The following TRIM33 variants were observed in gnomAD, a reference collection of about 807,000 sequenced individuals.
TRIM33 encodes tripartite motif containing 33, also known as E3 ubiquitin-protein ligase TRIM33.
A neutral mutation model predicts 125.4 loss-of-function variants in TRIM33; 20 were observed. The observed-to-expected ratio is 0.16, with a 90% CI of 0.11 to 0.23. The LOEUF is 0.23. Ranked by LOEUF, TRIM33 falls within the 10% of genes least tolerant of loss-of-function variation. The pLI, the probability that TRIM33 is intolerant of heterozygous loss-of-function variation, is 1.00. For synonymous variants in TRIM33, 564 were observed against 513.9 expected, an observed-to-expected ratio of 1.10 and a Z score of -1.32; for missense variants, 920 against 1,411.4, an observed-to-expected ratio of 0.65 and a Z score of 5.58.
rs1262824036 is a variant in TRIM33 at position 114,397,719 on chromosome 1, A to G, written c.3313T>C (p.Ser1105Pro). 1 of 1,612,764 alleles carries G rather than the reference A, an allele frequency of 6.2e-7. No homozygotes were observed. Among genetic ancestry groups the G allele is most frequent in the African/African-American group, 1.3e-5 (1 of 74,542 alleles). ...CGGGGCTGTATAAAGTCTTCATCAG[A>G]GTCCTCAGTTACCTCACCATCATCC... is the stretch of plus-strand genomic sequence containing the variant. ...EEDDGEVTED[S>P]DEDFIQPRRK... Residue 1105 changes from serine (S) to proline (P), a missense_variant, in exon 20 of 20, where the codon TCT (serine) becomes CCT (proline). Around this residue, in one of 8 missense-constraint regions of TRIM33, gnomAD observed 122 missense variants for 236.8 expected, o/e 0.52. Transcript: ENST00000358465.
intron 11 of TRIM33, among the ~76,000 whole-genome samples, chr1:114,417,302 A>C (rs1324103713): frequency 6.6e-6 from 1 of 152,218 alleles, no homozygotes; most frequent in East Asian, 1.9e-4. Context: ...AATGCATTAA[A>C]AGCCACTGAA....
rs542284475 is a variant in TRIM33 at position 114,479,935 on chromosome 1, A to T, written c.527-15547T>A. ...CCTCTGCCCGGCCGCCCCTGCTGGG[A>T]AGTGAGGAGCCCCTCTGCCCGGCCG... On this transcript the variant is annotated intron_variant, in intron 1 of 19. Transcript: ENST00000358465. 3.9e-3 allele frequency among the ~76,000 whole-genome samples: 592 copies of T among 151,658 alleles called. 8 individuals are homozygous for T. Among genetic ancestry groups the T allele is most frequent in the Admixed American group, 3.9e-3 (59 of 15,242 alleles).
chr1:114,398,916 C>CA (rs371623761), intron 18 of TRIM33, among the ~76,000 whole-genome samples: 1 of 107,692 alleles, frequency 9.3e-6, no homozygotes, highest in Non-Finnish European at 1.9e-5. Context: ...AAAAAAAAAA[C>CA]AAAACAAAAC....
chr1:114,510,917 C>G lies in TRIM33; in HGVS notation c.160G>C (p.Gly54Arg). 3 of 1,418,540 alleles carry G rather than the reference C, an allele frequency of 2.1e-6. No homozygotes were observed. The highest frequency in any genetic ancestry group is 2.5e-4 in the Middle Eastern group (1 of 3,956). 87.9% of individuals were successfully genotyped at this position (1,418,540 alleles called of 1,614,324 possible). A position where few individuals can be genotyped will look rare whatever the true frequency, so the allele number is the denominator to read the frequency against. ...EEEEEEGGRA[G>R]AEGGAAGPDD... ...GGCCCGGCCGCGCCGCCCTCAGCGC[C>G]GGCCCTGCCGCCTTCCTCCTCCTCC... Residue 54 changes from glycine (G) to arginine (R), a missense_variant, in exon 1 of 20, where the codon GGC becomes CGC. By Grantham distance (125) the Gly-to-Arg change is moderately radical (BLOSUM62 -2). Coordinates refer to ENST00000358465, the MANE Select transcript of TRIM33 (RefSeq NM_015906.4).
chr1:114,489,063 T>C (rs538526156), intron 1 of TRIM33, among the ~76,000 whole-genome samples: 11 of 152,190 alleles, frequency 7.2e-5, no homozygotes, highest in Admixed American at 2.0e-4. Flanking sequence ...TGTTGTTTAA[T>C]TTTGTTATTG....
chr1:114,397,607 G>GGTT lies in TRIM33; in HGVS notation c.*40_*41insAAC. The GGTT allele has an allele frequency of 3.2e-5, 18 of 566,074 alleles. No homozygotes were observed. The highest frequency in any genetic ancestry group is 9.0e-5 in the African/African-American group (2 of 22,126). The allele number at this position is 566,074 out of a possible 1,614,324, so 35.1% of individuals were successfully genotyped here. On this transcript the variant is annotated 3_prime_UTR_variant, in exon 20 of 20. Coordinates refer to ENST00000358465, the MANE Select transcript of TRIM33 (RefSeq NM_015906.4). The stretch of plus-strand genomic sequence containing the variant: ...TTTTTGTGTTTTTTTTTTTTTTTTC[G>GGTT]TTTTTTTTTTTTTAAACAATTGATT...
chr1:114,480,662 G>A (rs1322393586), intron 1 of TRIM33, among the ~76,000 whole-genome samples: 5 of 151,822 alleles, frequency 3.3e-5, no homozygotes, highest in African/African-American at 1.2e-4. Flanking sequence ...AATGACACAC[G>A]GAAAACAACT....
intron 13 of TRIM33, 67 bp from the exon 14 acceptor site, chr1:114,407,167 T>C (rs1323628843): frequency 3.7e-6 from 5 of 1,337,108 alleles, no homozygotes; most frequent in Non-Finnish European, 5.1e-6. Flanking sequence ...AACAATTATA[T>C]GAAAAGTAAT....
rs3077592 is a variant in TRIM33 at position 114,414,027 on chromosome 1, GCACACACACACACACACACACACACACA to G, written c.2062-3739_2062-3712del. ...CAAAATAAACCAAAATAAATCACAG[GCACACACACACACACACACACACACACA>G]CACACACACACACACGTTTTTAAAT... On this transcript the variant is annotated intron_variant, in intron 11 of 19. Coordinates refer to ENST00000358465, the MANE Select transcript of TRIM33 (RefSeq NM_015906.4). Among the ~76,000 whole-genome samples, 4 of 130,682 alleles carry G rather than the reference GCACACACACACACACACACACACACACA, an allele frequency of 3.1e-5. No homozygotes were observed. In the East Asian group the frequency reaches 9.4e-4, roughly 31 times the overall value. 85.7% of individuals were successfully genotyped at this position (130,682 alleles called of 152,430 possible).
At chr1:114,425,874 T>G in intron 8 of TRIM33, 151 bp from the exon 9 acceptor site, 48 of 615,234 alleles carry the variant, frequency 7.8e-5, no homozygotes. Context: ...TTAAAGATGA[T>G]GATGATGATC....
chr1:114,453,811 G>C (rs1194565420), intron 4 of TRIM33, among the ~76,000 whole-genome samples: 1 of 152,146 alleles, frequency 6.6e-6, no homozygotes, highest in East Asian at 1.9e-4. Flanking sequence ...TGGACACCAA[G>C]GTTTAGGTGA....
intron 1 of TRIM33, among the ~76,000 whole-genome samples, chr1:114,466,556 T>A (rs1022931726): frequency 3.9e-5 from 6 of 152,154 alleles, no homozygotes; most frequent in African/African-American, 1.4e-4. Context: ...TGCACTGGTG[T>A]CCAAGTAGCT....
chr1:114,458,658 T>TC (rs1572078596), intron 4 of TRIM33, among the ~76,000 whole-genome samples: 2 of 152,262 alleles, frequency 1.3e-5, no homozygotes, highest in East Asian at 3.9e-4. Flanking sequence ...CTCAAATATC[T>TC]CCCATCCTCC....
intron 4 of TRIM33, among the ~76,000 whole-genome samples, chr1:114,459,563 A>G (rs1231536611): frequency 6.6e-6 from 1 of 152,186 alleles, no homozygotes. Context: ...TGAGCCTAAG[A>G]GTTTAAATCC....
intron 1 of TRIM33, among the ~76,000 whole-genome samples, chr1:114,466,356 C>A (rs1053707558): frequency 6.6e-6 from 1 of 152,100 alleles, no homozygotes; most frequent in Admixed American, 6.6e-5. Flanking sequence ...TACTAGTGTG[C>A]AAGAAAGGGT....
chr1:114,403,756 C>T (rs1652054179), intron 15 of TRIM33, among the ~76,000 whole-genome samples: 1 of 152,130 alleles, frequency 6.6e-6, no homozygotes, highest in South Asian at 2.1e-4. Flanking sequence ...CAACTCCTGA[C>T]CTCAGGTGAT....
intron 17 of TRIM33, among the ~76,000 whole-genome samples, chr1:114,399,952 A>G (rs1557840034): frequency 6.6e-6 from 1 of 152,076 alleles, no homozygotes; most frequent in Admixed American, 6.6e-5. Flanking sequence ...TTTTTTAAAG[A>G]AAAAAATTTA....
intron 4 of TRIM33, among the ~76,000 whole-genome samples, chr1:114,434,086 A>C (rs1411226328): frequency 6.6e-6 from 1 of 152,224 alleles, no homozygotes; most frequent in Admixed American, 6.5e-5. Flanking sequence ...CTATAAAAGG[A>C]AGGGAAATCA....
chr1:114,453,161 T>C (rs1649419310), intron 4 of TRIM33, among the ~76,000 whole-genome samples: 1 of 151,848 alleles, frequency 6.6e-6, no homozygotes, highest in African/African-American at 2.4e-5. Flanking sequence ...GCCAGGAGTT[T>C]GAGACCAGCC....
Sources: gnomAD v4.1 joint callset for allele counts (sites outside exome capture counted in the v4.1 genomes callset) on GRCh38, gnomAD v4.1.1 for gene constraint, gnomAD v4.1.1 regional missense constraint, MANE v1.5 for transcripts, NCBI Gene and HGNC (gene_info 2026-07-23, HGNC 2026-07-21) for gene names.